Variants in DOCK10 observed in about 807,000 individuals in gnomAD.
DOCK10 encodes the protein dedicator of cytokinesis protein 10.
DOCK10 carries 145 observed loss-of-function variants against 280.1 expected under a neutral mutation model. The ratio of observed to expected loss-of-function variants is 0.52; its 90% CI spans 0.45 to 0.59. DOCK10 has a LOEUF of 0.59. Ranked by LOEUF, DOCK10 falls within the 20% of genes least tolerant of loss-of-function variation. The pLI is 0.00. For missense variants in DOCK10, 2,368 were observed against 2,651.7 expected, an observed-to-expected ratio of 0.89 and a Z score of 2.35; for synonymous variants, 915 against 942.2, an observed-to-expected ratio of 0.97 and a Z score of 0.53.
intron 1 of DOCK10, among the ~76,000 whole-genome samples, chr2:224,963,811 T>G (rs1252537728): frequency 6.6e-6 from 1 of 152,232 alleles, no homozygotes; most frequent in Non-Finnish European, 1.5e-5. Context: ...TACTTGTCTT[T>G]CACAATTTAA....
Position 225,042,273 on chromosome 2 carries a change from GA to G in DOCK10, c.101del (p.Val34AlafsTer90), listed in dbSNP as rs1166694776. On this transcript the variant is annotated frameshift_variant, in exon 1 of 56. Transcript: ENST00000258390. LOFTEE classifies it high-confidence loss of function. This position sits in a 1 kb window ranked among gnomAD's most constrained non-coding sequence, Gnocchi z 5.1. ...TCACCCGCTGCTGCTGCCGGCTGCT[GA>G]CTGCCACCGCGGCGGCGGACGCGGC... is the stretch of plus-strand genomic sequence containing the variant. ...HSAASAAAVA[V>X]SSRQQQRQEK... 1.4e-5 allele frequency: 18 copies of G among 1,331,890 alleles called. No individual in the cohort carries two copies. The highest frequency in any genetic ancestry group is 1.5e-5 in the Non-Finnish European group (16 of 1,040,358). The allele number at this position is 1,331,890 out of a possible 1,614,324, so 82.5% of individuals were successfully genotyped here. A position where few individuals can be genotyped will look rare whatever the true frequency, so the allele number is the denominator to read the frequency against.
chr2:224,886,575 C>G (rs753042912), intron 4 of DOCK10, 44 bp from the exon 5 acceptor site: 1 of 1,517,944 alleles, frequency 6.6e-7, no homozygotes, highest in East Asian at 2.3e-5. Context: ...TCATTGGAGA[C>G]AGCTTTCATT....
intron 1 of DOCK10, among the ~76,000 whole-genome samples, chr2:224,974,839 A>AT (rs1309869680): frequency 7.4e-6 from 1 of 135,436 alleles, no homozygotes; most frequent in Non-Finnish European, 1.6e-5. Context: ...TATTATATAT[A>AT]ACATATACAC....
intron 1 of DOCK10, among the ~76,000 whole-genome samples, chr2:224,994,654 G>T (rs777987250): frequency 3.9e-5 from 6 of 152,162 alleles, no homozygotes; most frequent in Non-Finnish European, 8.8e-5. Context: ...GAGGTCACTG[G>T]TACACATCCA....
chr2:224,777,212 T>C (rs1690936948), intron 51 of DOCK10, among the ~76,000 whole-genome samples: 2 of 152,192 alleles, frequency 1.3e-5, no homozygotes, highest in Non-Finnish European at 2.9e-5. Context: ...GTTAATGTAA[T>C]GTAATGTAAT....
In DOCK10 at chr2:224,785,626, G is replaced by A. The variant is rs1034431171; in HGVS notation, c.5655+1396C>T. On this transcript the variant is annotated intron_variant, in intron 50 of 55. Coordinates refer to ENST00000258390, the MANE Select transcript of DOCK10 (RefSeq NM_014689.3). ...CTCCTGAGTAGCTGGGACTACAGAC[G>A]CCTGCCACCACACCCGGCTAATTTT... Among the ~76,000 whole-genome samples the A allele has an allele frequency of 5.9e-5, 9 of 151,990 alleles. No homozygotes were observed. The East Asian group carries it at 1.4e-3, about 23-fold the overall frequency.
intron 7 of DOCK10, among the ~76,000 whole-genome samples, chr2:224,877,605 AAGCC>A (rs1257673773): frequency 6.6e-6 from 1 of 151,928 alleles, no homozygotes; most frequent in Non-Finnish European, 1.5e-5. Context: ...GAACTAAAAT[AAGCC>A]AGTGTGATGA....
At chr2:224,885,444 T>C (rs1699222313) in intron 7 of DOCK10, among the ~76,000 whole-genome samples, 1 of 152,244 alleles carries the variant, frequency 6.6e-6, no homozygotes, top group Admixed American at 6.5e-5. Context: ...TTGAAAAATT[T>C]ACCAGCTGAT....
intron 1 of DOCK10, among the ~76,000 whole-genome samples, chr2:225,015,820 C>A (rs1689575284): frequency 6.6e-6 from 1 of 152,114 alleles, no homozygotes; most frequent in South Asian, 2.1e-4. Flanking sequence ...CATTGTATTT[C>A]TTTCTAATTT....
At chr2:224,976,088 TATA>T (rs1705421024) in intron 1 of DOCK10, among the ~76,000 whole-genome samples, 1 of 152,196 alleles carries the variant, frequency 6.6e-6, no homozygotes, top group South Asian at 2.1e-4. Context: ...TCCATCGCTT[TATA>T]ATGTGAATTA....
In DOCK10 at chr2:224,932,270, T is replaced by A. The variant is rs77183533; in HGVS notation, c.124-602A>T. 6.1e-3 allele frequency among the ~76,000 whole-genome samples: 924 copies of A among 152,056 alleles called. 11 individuals carry two copies. The highest frequency in any genetic ancestry group is 0.02 in the African/African-American group (815 of 41,464). On this transcript the variant is annotated intron_variant, in intron 1 of 55. Transcript: ENST00000258390. ...TATTATGGATGCAGTGTGATGAAAATGGATAAGTGAAAAAATAGCCCGATA... is the reference window on the plus strand; with the variant it reads ...TATTATGGATGCAGTGTGATGAAAAAGGATAAGTGAAAAAATAGCCCGATA...
At chr2:224,999,205 AT>A (rs1442119924) in intron 1 of DOCK10, among the ~76,000 whole-genome samples, 1 of 150,356 alleles carries the variant, frequency 6.7e-6, no homozygotes, top group Non-Finnish European at 1.5e-5. Context: ...CATTTATAGT[AT>A]TGTTTTTCTT....
At position 224,844,843 on chromosome 2, in the gene DOCK10, C is replaced by A; in HGVS notation, c.2482-4G>T. 1 of 1,601,092 alleles carries A rather than the reference C, an allele frequency of 6.2e-7. No individual in the cohort carries two copies. The highest frequency in any genetic ancestry group is 8.5e-7 in the Non-Finnish European group (1 of 1,172,162). On this transcript the variant is annotated splice_region_variant and splice_polypyrimidine_tract_variant and intron_variant, in intron 21 of 55. Coordinates refer to ENST00000258390, the MANE Select transcript of DOCK10 (RefSeq NM_014689.3). ...ATTTAATGTCACTCCCACCATGCTG[C>A]AAAATAAAGTTTGTTTACTGTCACT...
chr2:224,770,356 C>T lies in DOCK10; in HGVS notation c.6306-7G>A, dbSNP rs1031799769. 3.1e-6 allele frequency: 5 copies of T among 1,590,888 alleles called. No homozygotes were observed. The highest frequency in any genetic ancestry group is 2.2e-5 in the East Asian group (1 of 44,550). ...ACATGCATCTGCAAATTGCCTTTAG[C>T]GACAGCATTAAACAAATTAAAAACC... On this transcript the variant is annotated splice_polypyrimidine_tract_variant and splice_region_variant and intron_variant, in intron 54 of 55. Coordinates refer to ENST00000258390, the MANE Select transcript of DOCK10 (RefSeq NM_014689.3). The surrounding 1 kb of genome is among the most constrained non-coding windows in gnomAD (Gnocchi z 4.5).
intron 1 of DOCK10, among the ~76,000 whole-genome samples, chr2:224,994,355 G>A (rs1706208575): frequency 6.6e-6 from 1 of 152,182 alleles, no homozygotes; most frequent in African/African-American, 2.4e-5. Flanking sequence ...TCAGAAGACT[G>A]CTGTGAGAAT....
Position 224,931,585 on chromosome 2 carries a change from A to G in DOCK10, c.207T>C (p.Leu69=), listed in dbSNP as rs1229406172. 1 of 1,611,792 alleles carries G rather than the reference A, an allele frequency of 6.2e-7. No individual in the cohort carries two copies. The highest frequency in any genetic ancestry group is 8.5e-7 in the Non-Finnish European group (1 of 1,178,964). Residue 69 remains leucine (L), a synonymous_variant, in exon 2 of 56, where the codon CTT becomes CTC. Coordinates refer to ENST00000258390, the MANE Select transcript of DOCK10 (RefSeq NM_014689.3). ...CACTGGGGAAGAACAAGAGATCTTG[A>G]AGAGGATCATTCCGGTAGGTCTTTT... ...ELEKTYRNDP[L]QDLLFFPSDD...
chr2:224,824,048 T>C (rs1019682141), intron 27 of DOCK10, among the ~76,000 whole-genome samples: 1 of 152,246 alleles, frequency 6.6e-6, no homozygotes, highest in African/African-American at 2.4e-5. Flanking sequence ...ATTTTGGACA[T>C]GTAGTTCTCT....
chr2:224,842,904 GACAAGATGGCCC>G (rs1215883834), intron 22 of DOCK10, among the ~76,000 whole-genome samples: 1 of 152,174 alleles, frequency 6.6e-6, no homozygotes, highest in Non-Finnish European at 1.5e-5. Flanking sequence ...CTGGATGAGT[GACAAGATGGCCC>G]AGCTTTGTCT....
intron 1 of DOCK10, among the ~76,000 whole-genome samples, chr2:224,988,316 T>C (rs1706028165): frequency 6.6e-6 from 1 of 152,226 alleles, no homozygotes; most frequent in African/African-American, 2.4e-5. Flanking sequence ...CACAGGATTG[T>C]GCTTACCTTG....
Sources: allele counts gnomAD v4.1 joint callset (sites outside exome capture counted in the v4.1 genomes callset), GRCh38; gene constraint gnomAD v4.1.1; non-coding constraint Gnocchi (gnomAD v3.1); transcripts MANE v1.5; gene names NCBI Gene and HGNC (gene_info 2026-07-23, HGNC 2026-07-21).